The following TBC1D8 variants were observed in gnomAD, a reference collection of about 807,000 sequenced individuals.
TBC1D8 encodes BUB2-like protein 1.
In TBC1D8, 65 loss-of-function variants were observed where a neutral mutation model predicts 118.8. That is an observed-to-expected ratio of 0.55 (90% CI 0.45 to 0.67). The LOEUF is 0.67. TBC1D8 is among the 30% of genes least tolerant of loss of function. TBC1D8 has a pLI of 0.00. For synonymous variants in TBC1D8, 566 were observed against 595.8 expected, an observed-to-expected ratio of 0.95 and a Z score of 0.73; for missense variants, 1,376 against 1,471.2, an observed-to-expected ratio of 0.94 and a Z score of 1.06.
chr2:101,007,677 C>T lies in TBC1D8; in HGVS notation c.*144G>A. On this transcript the variant is annotated 3_prime_UTR_variant, in exon 20 of 20. Transcript: ENST00000409318. ...AATGCTTGAGGGTTGTGTCGGTTCC[C>T]CTGGCCACAGTTTGTCAGGTTGTTT... 1 of 825,362 alleles carries T rather than the reference C, an allele frequency of 1.2e-6. No individual in the cohort carries two copies. Among genetic ancestry groups the T allele is most frequent in the Non-Finnish European group, 1.9e-6 (1 of 521,322 alleles). 51.1% of individuals were successfully genotyped at this position (825,362 alleles called of 1,614,324 possible). A position where few individuals can be genotyped will look rare whatever the true frequency, so the allele number is the denominator to read the frequency against.
At chr2:101,054,449 G>A (rs865950882) in intron 3 of TBC1D8, 113 bp from the exon 4 acceptor site, 11 of 1,072,328 alleles carry the variant, frequency 1.0e-5, no homozygotes, top group South Asian at 3.0e-5. Flanking sequence ...AGAAGTGTGC[G>A]CTGCTTCAAC....
At chr2:101,037,991 C>T (rs1681133210) in intron 7 of TBC1D8, among the ~76,000 whole-genome samples, 1 of 152,246 alleles carries the variant, frequency 6.6e-6, no homozygotes, top group East Asian at 1.9e-4. Flanking sequence ...AGCTTATGGA[C>T]AGGAGGACGG....
rs1376030161 is a variant in TBC1D8, at chr2:101,054,347, G to C, written c.403-11C>G. The C allele has an allele frequency of 1.3e-6, 2 of 1,554,508 alleles. No homozygotes were observed. The highest frequency in any genetic ancestry group is 1.7e-6 in the Non-Finnish European group (2 of 1,148,538). ...CTCGGCTATCAGAGCCTGACACACA[G>C]AGATGACAGTCCCTGCTCAGTGAGC... On this transcript the variant is annotated splice_polypyrimidine_tract_variant and intron_variant, in intron 3 of 19. Transcript: ENST00000409318.
intron 9 of TBC1D8, among the ~76,000 whole-genome samples, chr2:101,034,273 T>A (rs1680863359): frequency 6.6e-6 from 1 of 152,206 alleles, no homozygotes; most frequent in African/African-American, 2.4e-5. Flanking sequence ...ATAACTGTAT[T>A]AATATGCTTT....
At chr2:101,036,484 A>G (rs1037595503) in intron 8 of TBC1D8, among the ~76,000 whole-genome samples, 1 of 151,256 alleles carries the variant, frequency 6.6e-6, no homozygotes, top group Non-Finnish European at 1.5e-5. Flanking sequence ...AAGTAGCCCA[A>G]ATCAGATGGG....
At chr2:101,025,223 T>TA (rs1179583150) in intron 15 of TBC1D8, among the ~76,000 whole-genome samples, 8 of 150,628 alleles carry the variant, frequency 5.3e-5, no homozygotes, top group African/African-American at 2.4e-5. Flanking sequence ...TTTTTTTTTT[T>TA]AATTTTTATT....
chr2:101,121,803 C>A (rs190728908), intron 1 of TBC1D8, among the ~76,000 whole-genome samples: 2 of 152,194 alleles, frequency 1.3e-5, no homozygotes. Flanking sequence ...CAGTGGCTCA[C>A]GCCTGTAATC....
At chr2:101,025,746 C>T (rs749752339) in intron 15 of TBC1D8, among the ~76,000 whole-genome samples, 1 of 152,212 alleles carries the variant, frequency 6.6e-6, no homozygotes, top group Non-Finnish European at 1.5e-5. Context: ...AATTTCACTG[C>T]TTAGCAGTAG....
Position 101,038,524 on chromosome 2 carries a change from C to G in TBC1D8, c.1212G>C (p.Ala404=), listed in dbSNP as rs367581764. The change falls in exon 7 of 20, where the codon GCG becomes GCC. Residue 404 remains alanine (A), a synonymous_variant. Transcript: ENST00000409318. ...DRDSLVEALL[A]RLKQVHANHP... ...GGTTGGCGTGGACCTGCTTCAACCT[C>G]GCAAGCAGCGCCTCCACCAGGCTGT... 1.2e-6 allele frequency: 2 copies of G among 1,613,844 alleles called. No homozygotes were observed. Among genetic ancestry groups the G allele is most frequent in the Non-Finnish European group, 1.7e-6 (2 of 1,179,892 alleles).
Position 101,054,289 on chromosome 2 carries a change from C to T in TBC1D8, c.450G>A (p.Glu150=), listed in dbSNP as rs1402014931. ...GGGCTTCTCGGAATTTCTCGGGTTC[C>T]TCCTCCTGCTCGGCGAGCCTGCTGC... ...ETSSRLAEQE[E]EPEKFREALV... Residue 150 remains glutamate (E), a synonymous_variant, in exon 4 of 20, where the codon GAG becomes GAA. Transcript: ENST00000409318. 1 of 1,586,212 alleles carries T rather than the reference C, an allele frequency of 6.3e-7. No homozygotes were observed. Among genetic ancestry groups the T allele is most frequent in the Non-Finnish European group, 8.6e-7 (1 of 1,165,936 alleles).
intron 1 of TBC1D8, among the ~76,000 whole-genome samples, chr2:101,107,781 C>G (rs979577787): frequency 2.5e-4 from 38 of 152,266 alleles, no homozygotes; most frequent in African/African-American, 8.4e-4. Flanking sequence ...GGAATGCTAA[C>G]CATACACAAC....
intron 8 of TBC1D8, 40 bp downstream of exon 8, chr2:101,037,492 T>C (rs960904820): frequency 6.2e-7 from 1 of 1,601,714 alleles, no homozygotes; most frequent in African/African-American, 1.3e-5. Context: ...AGCCCACGGC[T>C]CAGCTTTGTG....
chr2:101,090,174 A>C (rs755783751), intron 2 of TBC1D8, 35 bp downstream of exon 2: 63 of 1,591,628 alleles, frequency 4.0e-5, no homozygotes, highest in Non-Finnish European at 5.1e-5. Context: ...CTTACACCTT[A>C]AGGTTTGGAA....
At chr2:101,022,545 A>G in intron 15 of TBC1D8, 24 bp from the exon 16 acceptor site, 1 of 1,582,200 alleles carries the variant, frequency 6.3e-7, no homozygotes, top group Non-Finnish European at 8.5e-7. Context: ...GGGGAAAGGG[A>G]GTTCTTACCA....
rs1679191828 is a variant in TBC1D8 at position 101,011,323 on chromosome 2, T to C, written c.2917+128A>G. ...CTTCTGTCCTCTAAAGGCAGTGAGT[T>C]TGGGGATAATTCATTGGACGAAGGG... On this transcript the variant is annotated intron_variant, in intron 18 of 19. Transcript: ENST00000409318. The C allele has an allele frequency of 4.0e-6, 4 of 993,816 alleles. No homozygotes were observed. The South Asian group carries it at 4.4e-5, about 11-fold the overall frequency. 61.6% of individuals were successfully genotyped at this position (993,816 alleles called of 1,614,324 possible).
At chr2:101,067,732 T>C (rs1683092312) in intron 2 of TBC1D8, among the ~76,000 whole-genome samples, 1 of 152,190 alleles carries the variant, frequency 6.6e-6, no homozygotes, top group Non-Finnish European at 1.5e-5. Flanking sequence ...AAAGTTGGGA[T>C]GGCTGTGACA....
At chr2:101,018,841 G>T (rs1271272254) in intron 17 of TBC1D8, among the ~76,000 whole-genome samples, 1 of 152,170 alleles carries the variant, frequency 6.6e-6, no homozygotes, top group African/African-American at 2.4e-5. Context: ...GTTCTCCTCT[G>T]AAAGTCCAAT....
At chr2:101,018,188 G>A in intron 17 of TBC1D8, 2 of 356,570 alleles carry the variant, frequency 5.6e-6, no homozygotes, top group Non-Finnish European at 1.0e-5. Context: ...TTATGTTTTA[G>A]AATTCAAATT....
intron 15 of TBC1D8, among the ~76,000 whole-genome samples, chr2:101,025,820 G>A (rs114288374): frequency 0.014 from 2,116 of 152,278 alleles, 61 homozygotes; most frequent in African/African-American, 0.048. Flanking sequence ...AGTAGCTTAC[G>A]CACCAAGTCT....
Sources: allele counts gnomAD v4.1 joint callset (sites outside exome capture counted in the v4.1 genomes callset), GRCh38; gene constraint gnomAD v4.1.1; transcripts MANE v1.5; gene names NCBI Gene and HGNC (gene_info 2026-07-23, HGNC 2026-07-21).